The following WWC2 variants were observed in gnomAD, a reference collection of about 807,000 sequenced individuals.
WWC2 encodes protein WWC2.
WWC2 carries 101 observed loss-of-function variants against 138.5 expected under a neutral mutation model. The ratio of observed to expected loss-of-function variants is 0.73; its 90% CI spans 0.62 to 0.86. The LOEUF (loss-of-function observed/expected upper bound fraction) is 0.86, where lower values mean the gene tolerates loss of function less well. Among genes scored for constraint, WWC2 ranks in the 40% least tolerant of loss-of-function variants. WWC2 has a pLI of 0.00. For missense variants in WWC2, 1,420 were observed against 1,419.4 expected (o/e 1.00, Z -0.01); for synonymous variants, 558 against 538.4 (o/e 1.04, Z -0.50).
chr4:183,155,221 A>AGAGAGAGTGAGAGAGT lies in WWC2; in HGVS notation c.132-38375_132-38374insAGAGTGAGAGAGTGAG, dbSNP rs61543148. 3.7e-5 allele frequency among the ~76,000 whole-genome samples: 5 copies of AGAGAGAGTGAGAGAGT among 135,282 alleles called. No individual in the cohort carries two copies. In the East Asian group the frequency reaches 8.5e-4, roughly 23 times the overall value. 88.8% of individuals were successfully genotyped at this position (135,282 alleles called of 152,430 possible). A position where few individuals can be genotyped will look rare whatever the true frequency, so the allele number is the denominator to read the frequency against. The stretch of plus-strand genomic sequence containing the variant: ...GAGAGAGAGAGAGAGAGAGAGAGAG[A>AGAGAGAGTGAGAGAGT]GAGTTAGTTGACGTGGTGAGGACAG... On this transcript the variant is annotated intron_variant, in intron 1 of 22. Coordinates refer to ENST00000403733, the MANE Select transcript of WWC2 (RefSeq NM_024949.6).
intron 19 of WWC2, among the ~76,000 whole-genome samples, chr4:183,284,879 G>T (rs1172775342): frequency 1.3e-5 from 2 of 151,850 alleles, no homozygotes; most frequent in African/African-American, 2.4e-5. Context: ...TATGAGATTT[G>T]TATCAGTTTG....
intron 19 of WWC2, among the ~76,000 whole-genome samples, chr4:183,285,158 G>A (rs1738203019): frequency 6.6e-6 from 1 of 152,142 alleles, no homozygotes; most frequent in South Asian, 2.1e-4. Context: ...GAAGTATCTT[G>A]GAAGGGGATC....
At chr4:183,258,953 A>G (rs554810684) in intron 9 of WWC2, among the ~76,000 whole-genome samples, 21 of 146,246 alleles carry the variant, frequency 1.4e-4, no homozygotes, top group African/African-American at 3.8e-4. Context: ...ATACAGTTCT[A>G]TAATGCTGTA....
chr4:183,175,943 G>A (rs767841809), intron 1 of WWC2, among the ~76,000 whole-genome samples: 10 of 152,196 alleles, frequency 6.6e-5, no homozygotes, highest in Non-Finnish European at 1.0e-4. Flanking sequence ...AGTTTTCCCA[G>A]CCCACCTCAC....
chr4:183,128,406 C>T (rs1732824483), intron 1 of WWC2, among the ~76,000 whole-genome samples: 2 of 151,926 alleles, frequency 1.3e-5, no homozygotes, highest in Admixed American at 1.3e-4. Flanking sequence ...CTCAGCTACT[C>T]AAGAGTTTAA....
chr4:183,245,422 TAAA>T lies in WWC2; in HGVS notation c.614_616del (p.Lys205del). 6.4e-7 allele frequency: 1 copy of T among 1,553,986 alleles called. No homozygotes were observed. Among genetic ancestry groups the T allele is most frequent in the Non-Finnish European group, 8.6e-7 (1 of 1,158,618 alleles). The stretch of plus-strand genomic sequence containing the variant: ...TCTTTTTCTCTTTTCACAGAATTGA[TAAA>T]AAAATGTCTGGAGGCCAGAGCGGGT... On this transcript the variant is annotated inframe_deletion, in exon 6 of 23. Transcript: ENST00000403733.
chr4:183,099,592 G>A lies in WWC2; in HGVS notation c.101G>A (p.Arg34Lys). The A allele has an allele frequency of 1.4e-6, 2 of 1,394,400 alleles. No individual in the cohort carries two copies. The highest frequency in any genetic ancestry group is 1.9e-6 in the Non-Finnish European group (2 of 1,056,414). The allele number at this position is 1,394,400 out of a possible 1,614,324, so 86.4% of individuals were successfully genotyped here. A position where few individuals can be genotyped will look rare whatever the true frequency, so the allele number is the denominator to read the frequency against. The change falls in exon 1 of 23, where the codon AGG becomes AAG. Residue 34 changes from arginine to lysine, a missense_variant. Arg to Lys is a conservative substitution (Grantham distance 26, BLOSUM62 2). Transcript: ENST00000403733. ...GKVFYIDHNT[R>K]RTSWIDPRDR... ...GTCTTCTACATTGACCACAACACCA[G>A]GAGGACCAGCTGGATCGACCCCCGG...
intron 1 of WWC2, among the ~76,000 whole-genome samples, chr4:183,172,755 A>C (rs1273121513): frequency 6.6e-6 from 1 of 151,898 alleles, no homozygotes; most frequent in East Asian, 1.9e-4. Context: ...GATTCAGTTT[A>C]GGGAAATTTT....
intron 1 of WWC2, among the ~76,000 whole-genome samples, chr4:183,140,806 C>G (rs549226895): frequency 6.6e-6 from 1 of 152,122 alleles, no homozygotes; most frequent in African/African-American, 2.4e-5. Flanking sequence ...AAAGCCACAG[C>G]CTTTACTGAA....
intron 1 of WWC2, among the ~76,000 whole-genome samples, chr4:183,145,706 T>G (rs572249487): frequency 5.3e-5 from 8 of 152,354 alleles, no homozygotes; most frequent in Admixed American, 2.0e-4. Flanking sequence ...TAAGCACTCT[T>G]GCATAGCAGT....
At chr4:183,113,767 AT>A (rs753321213) in intron 1 of WWC2, among the ~76,000 whole-genome samples, 3,169 of 139,842 alleles carry the variant, frequency 0.023, 66 homozygotes, top group African/African-American at 0.063. Context: ...GGAATTACAG[AT>A]TTTTTTTTTT....
At chr4:183,293,587 A>G (rs1738532403) in intron 21 of WWC2, among the ~76,000 whole-genome samples, 2 of 152,224 alleles carry the variant, frequency 1.3e-5, no homozygotes, top group African/African-American at 4.8e-5. Flanking sequence ...TCCATTCAAC[A>G]TTGTATTAGG....
intron 9 of WWC2, among the ~76,000 whole-genome samples, chr4:183,255,099 G>C (rs1397918328): frequency 6.6e-6 from 1 of 152,216 alleles, no homozygotes; most frequent in African/African-American, 2.4e-5. Flanking sequence ...GTAACACGCA[G>C]CCTCAGTGTC....
intron 1 of WWC2, among the ~76,000 whole-genome samples, chr4:183,191,712 A>C (rs138347357): frequency 7.5e-6 from 1 of 133,746 alleles, no homozygotes; most frequent in Non-Finnish European, 1.6e-5. Context: ...TATTATTTCT[A>C]TTATTTTTTT....
intron 16 of WWC2, among the ~76,000 whole-genome samples, chr4:183,279,774 G>A (rs7685304): frequency 0.079 from 12,077 of 152,024 alleles, 680 homozygotes; most frequent in Non-Finnish European, 0.12. Context: ...AGAGGTGTTT[G>A]TAGTATTCTC....
intron 4 of WWC2, among the ~76,000 whole-genome samples, chr4:183,216,417 A>G (rs1337756755): frequency 6.6e-6 from 1 of 152,230 alleles, no homozygotes; most frequent in African/African-American, 2.4e-5. Context: ...AGGCTCAACA[A>G]GAAGACATTT....
intron 2 of WWC2, among the ~76,000 whole-genome samples, chr4:183,199,013 C>T (rs1359284506): frequency 1.3e-5 from 2 of 152,142 alleles, no homozygotes; most frequent in African/African-American, 4.8e-5. Context: ...CATGAAGAAG[C>T]AGCCTTTCCA....
intron 1 of WWC2, among the ~76,000 whole-genome samples, chr4:183,174,127 T>G (rs914683084): frequency 6.6e-6 from 1 of 152,196 alleles, no homozygotes; most frequent in Admixed American, 6.5e-5. Flanking sequence ...TGCTGTTCAG[T>G]GTGTGCACAC....
Position 183,188,618 on chromosome 4 carries a change from A to ATCTCTC in WWC2, c.132-4971_132-4966dup, listed in dbSNP as rs539084926. On this transcript the variant is annotated intron_variant, in intron 1 of 22. Coordinates refer to ENST00000403733, the MANE Select transcript of WWC2 (RefSeq NM_024949.6). ...GATCTCTCTCTCTCTATCTAATATGATCTCTCTCTCTCTCTTGCTCCTTTC... is the reference window on the plus strand; with the variant it reads ...GATCTCTCTCTCTCTATCTAATATGATCTCTCTCTCTCTCTCTCTCTTGCTCCTTTC... 7.5e-3 allele frequency among the ~76,000 whole-genome samples: 1,045 copies of ATCTCTC among 138,788 alleles called. 17 individuals are homozygous for ATCTCTC. The highest frequency in any genetic ancestry group is 0.025 in the African/African-American group (933 of 37,466). The allele number at this position is 138,788 out of a possible 152,430, so 91.1% of individuals were successfully genotyped here.
Sources: gnomAD v4.1 joint callset for allele counts (sites outside exome capture counted in the v4.1 genomes callset) on GRCh38, gnomAD v4.1.1 for gene constraint, MANE v1.5 for transcripts, NCBI Gene and HGNC (gene_info 2026-07-23, HGNC 2026-07-21) for gene names.